The following TLK1 variants were observed in gnomAD, a reference collection of about 807,000 sequenced individuals.
TLK1 encodes tousled like kinase 1.
A neutral mutation model predicts 105.3 loss-of-function variants in TLK1; 24 were observed. That is an observed-to-expected ratio of 0.23 (90% CI 0.17 to 0.32). The LOEUF is 0.32. TLK1 is among the 10% of genes least tolerant of loss of function. The pLI, the probability that TLK1 is intolerant of heterozygous loss-of-function variation, is 1.00. For missense variants in TLK1, 558 were observed against 910.5 expected (o/e 0.61, Z 4.98); for synonymous variants, 321 against 310.4 (o/e 1.03, Z -0.36).
intron 4 of TLK1, 148 bp from the exon 5 acceptor site, chr2:171,058,345 G>T: frequency 1.5e-6 from 1 of 648,902 alleles, no homozygotes; most frequent in Non-Finnish European, 2.6e-6. Context: ...AAAAGTTCCA[G>T]TTATTGGAGA....
intron 12 of TLK1, among the ~76,000 whole-genome samples, chr2:171,019,829 C>T (rs924194181): frequency 3.3e-5 from 5 of 151,902 alleles, no homozygotes; most frequent in African/African-American, 4.8e-5. Flanking sequence ...AAGCCAAGGC[C>T]GGTGGATCAC....
At chr2:171,096,285 A>G (rs578019586) in intron 2 of TLK1, among the ~76,000 whole-genome samples, 25 of 152,284 alleles carry the variant, frequency 1.6e-4, no homozygotes, top group African/African-American at 4.3e-4. Flanking sequence ...GGAATGCTTC[A>G]GGCCAGGAGT....
chr2:171,157,301 A>C (rs1692277339), intron 1 of TLK1, among the ~76,000 whole-genome samples: 1 of 152,220 alleles, frequency 6.6e-6, no homozygotes, highest in Non-Finnish European at 1.5e-5. Flanking sequence ...CCAATATGAC[A>C]CTAGGTTCCT....
Position 171,022,092 on chromosome 2 carries a change from C to CACACACACAGACACACACACACACAG in TLK1, c.1236+6246_1236+6247insCTGTGTGTGTGTGTGTCTGTGTGTGT, listed in dbSNP as rs149075161. Among the ~76,000 whole-genome samples, 10 of 147,996 alleles carry CACACACACAGACACACACACACACAG rather than the reference C, an allele frequency of 6.8e-5. No homozygotes were observed. The South Asian group carries it at 2.2e-3, about 32-fold the overall frequency. ...CACTCCAGCCTGGGCGAAAAACACA[C>CACACACACAGACACACACACACACAG]ACACACACACACACACACACACACA... On this transcript the variant is annotated intron_variant, in intron 12 of 20. Coordinates refer to ENST00000431350, the MANE Select transcript of TLK1 (RefSeq NM_012290.5).
chr2:171,027,711 T>A (rs1685842138), intron 12 of TLK1, among the ~76,000 whole-genome samples: 1 of 152,208 alleles, frequency 6.6e-6, no homozygotes, highest in East Asian at 1.9e-4. Flanking sequence ...AAATGAAGTA[T>A]TTTTTACCAA....
intron 1 of TLK1, among the ~76,000 whole-genome samples, chr2:171,221,429 T>G (rs1693808852): frequency 1.3e-5 from 2 of 152,166 alleles, no homozygotes; most frequent in Admixed American, 1.3e-4. Context: ...TCACCGAAAC[T>G]TCATGAACAC....
chr2:171,075,228 G>A (rs1250546949), intron 3 of TLK1, among the ~76,000 whole-genome samples: 2 of 152,032 alleles, frequency 1.3e-5, no homozygotes, highest in Non-Finnish European at 2.9e-5. Flanking sequence ...AAGTAGAGGT[G>A]GGTATGTATA....
At chr2:171,195,713 G>T (rs1257369949) in intron 1 of TLK1, among the ~76,000 whole-genome samples, 2 of 151,998 alleles carry the variant, frequency 1.3e-5, no homozygotes, top group African/African-American at 4.8e-5. Flanking sequence ...CACCTAAAAT[G>T]ATTACATTTA....
At chr2:171,216,467 C>G (rs568734633) in intron 1 of TLK1, among the ~76,000 whole-genome samples, 26 of 152,238 alleles carry the variant, frequency 1.7e-4, no homozygotes, top group African/African-American at 6.3e-4. Context: ...CAGAGCAAGA[C>G]TCCGTCTCAA....
At chr2:171,117,700 A>G in intron 2 of TLK1, 39 bp downstream of exon 2, 1 of 1,504,652 alleles carries the variant, frequency 6.6e-7, no homozygotes, top group Non-Finnish European at 9.2e-7. Context: ...CATTTAATAG[A>G]AAGAAAGACT....
At chr2:171,066,626 C>A (rs1688008141) in intron 3 of TLK1, among the ~76,000 whole-genome samples, 1 of 152,168 alleles carries the variant, frequency 6.6e-6, no homozygotes, top group Non-Finnish European at 1.5e-5. Context: ...TCTTAAACTC[C>A]TATCACTTGG....
At chr2:171,180,094 C>G (rs1447963750) in intron 1 of TLK1, among the ~76,000 whole-genome samples, 2 of 68,734 alleles carry the variant, frequency 2.9e-5, no homozygotes, top group Non-Finnish European at 6.5e-5. Flanking sequence ...GACTCTGTCT[C>G]AAAAAAAAAA....
chr2:171,042,284 T>C (rs1397232828), intron 11 of TLK1, among the ~76,000 whole-genome samples: 1 of 152,152 alleles, frequency 6.6e-6, no homozygotes, highest in Non-Finnish European at 1.5e-5. Flanking sequence ...GGTCTCACTG[T>C]CACCCAGGCT....
At chr2:171,194,710 C>G (rs192804452) in intron 1 of TLK1, among the ~76,000 whole-genome samples, 124 of 120,052 alleles carry the variant, frequency 1.0e-3, no homozygotes, top group South Asian at 3.2e-3. Flanking sequence ...CCAGCTACTC[C>G]GGAGGCTGAG....
At chr2:171,208,049 T>C (rs1022873229) in intron 1 of TLK1, among the ~76,000 whole-genome samples, 3 of 152,170 alleles carry the variant, frequency 2.0e-5, no homozygotes, top group African/African-American at 7.2e-5. Context: ...CTTTCAAAGA[T>C]ACAAGCCTAT....
In TLK1 at chr2:171,103,273, T is replaced by C. The variant is rs549026345; in HGVS notation, c.258+14466A>G. Among the ~76,000 whole-genome samples, 3 of 149,722 alleles carry C rather than the reference T, an allele frequency of 2.0e-5. No individual in the cohort carries two copies. The East Asian group carries it at 5.8e-4, about 29-fold the overall frequency. On this transcript the variant is annotated intron_variant, in intron 2 of 20. Transcript: ENST00000431350. The stretch of plus-strand genomic sequence containing the variant: ...AAAATTGATCTCAAATTTATATATA[T>C]ATATATATAATTTTTTTTGAGACAT...
intron 1 of TLK1, among the ~76,000 whole-genome samples, chr2:171,183,587 A>T (rs1182066374): frequency 3.3e-5 from 5 of 151,942 alleles, no homozygotes; most frequent in Admixed American, 2.6e-4. Context: ...ATATGTTGCA[A>T]ATATTGTCTT....
chr2:171,152,167 A>G (rs940629507), intron 1 of TLK1, among the ~76,000 whole-genome samples: 1 of 152,242 alleles, frequency 6.6e-6, no homozygotes, highest in African/African-American at 2.4e-5. Flanking sequence ...TTTTCAAGGA[A>G]AAGCACAAAT....
chr2:171,053,245 C>T (rs1687326468), intron 8 of TLK1, among the ~76,000 whole-genome samples: 1 of 152,122 alleles, frequency 6.6e-6, no homozygotes, highest in South Asian at 2.1e-4. Context: ...ACTTCCAGTT[C>T]TCCAACAGTT....
Sources: allele counts gnomAD v4.1 joint callset (sites outside exome capture counted in the v4.1 genomes callset), GRCh38; gene constraint gnomAD v4.1.1; transcripts MANE v1.5; gene names NCBI Gene and HGNC (gene_info 2026-07-23, HGNC 2026-07-21).